The following MYO1B variants were observed in gnomAD, a reference collection of about 807,000 sequenced individuals.
The protein encoded by MYO1B is unconventional myosin-Ib.
A neutral mutation model predicts 159.7 loss-of-function variants in MYO1B; 72 were observed. The observed-to-expected ratio is 0.45, with a 90% CI of 0.37 to 0.55. The LOEUF (loss-of-function observed/expected upper bound fraction) is 0.55, where lower values mean the gene tolerates loss of function less well. MYO1B is among the 20% of genes least tolerant of loss of function. The pLI, the probability that MYO1B is intolerant of heterozygous loss-of-function variation, is 0.00. For missense variants in MYO1B, 1,062 were observed against 1,364.8 expected (o/e 0.78, Z 3.50); for synonymous variants, 468 against 473.8 (o/e 0.99, Z 0.16).
intron 1 of MYO1B, among the ~76,000 whole-genome samples, chr2:191,266,803 G>T (rs574924090): frequency 7.1e-6 from 1 of 141,110 alleles, no homozygotes; most frequent in African/African-American, 3.2e-5. Context: ...AACCTTCCAT[G>T]TTGTTATAGC....
chr2:191,259,114 C>T (rs532760765), intron 1 of MYO1B, among the ~76,000 whole-genome samples: 3 of 152,338 alleles, frequency 2.0e-5, no homozygotes, highest in African/African-American at 7.2e-5. Context: ...GCATGGTGAA[C>T]TTTTCTGACT....
chr2:191,409,045 T>C lies in MYO1B; in HGVS notation c.2633T>C (p.Val878Ala). The part of the protein sequence containing the change: ...KIYEFTLQRI[V>A]QKYFLEMKNK... ...GTATTTTCTGTCAACCCAACACAGGTGCAAAAATACTTCTTGGAAATGAAA... is the reference window on the plus strand; with the variant it reads ...GTATTTTCTGTCAACCCAACACAGGCGCAAAAATACTTCTTGGAAATGAAA... The change falls in exon 26 of 31, where the codon GTG (valine) becomes GCG (alanine). Residue 878 changes from valine (V) to alanine (A), a missense_variant and splice_region_variant. By Grantham distance (64) the Val-to-Ala change is moderately conservative. Coordinates refer to ENST00000392318, the MANE Select transcript of MYO1B (RefSeq NM_001130158.3). 6.2e-7 allele frequency: 1 copy of C among 1,609,480 alleles called. No homozygotes were observed. Among genetic ancestry groups the C allele is most frequent in the Non-Finnish European group, 8.5e-7 (1 of 1,178,856 alleles).
intron 3 of MYO1B, among the ~76,000 whole-genome samples, chr2:191,319,403 C>T (rs986704700): frequency 1.3e-5 from 2 of 152,114 alleles, no homozygotes; most frequent in Non-Finnish European, 2.9e-5. Flanking sequence ...CAGTCTCTGA[C>T]GGGGCTTCTC....
chr2:191,371,458 T>C (rs1486676939), intron 13 of MYO1B, among the ~76,000 whole-genome samples: 1 of 152,202 alleles, frequency 6.6e-6, no homozygotes, highest in Non-Finnish European at 1.5e-5. Context: ...GGTGTGTGTA[T>C]GGTCTGATTT....
chr2:191,258,028 A>C (rs1293728639), intron 1 of MYO1B, among the ~76,000 whole-genome samples: 5 of 152,224 alleles, frequency 3.3e-5, no homozygotes, highest in Non-Finnish European at 5.9e-5. Context: ...AAAAGAAGAC[A>C]TCATAGGAAT....
At chr2:191,401,504 G>A (rs532707240) in intron 23 of MYO1B, 2 of 152,262 alleles carry the variant, frequency 1.3e-5, no homozygotes, top group Admixed American at 6.5e-5. Context: ...ATAGTCGTGG[G>A]CTCTGTGAAC....
intron 12 of MYO1B, 40 bp downstream of exon 12, chr2:191,369,668 G>C (rs755013606): frequency 1.4e-6 from 2 of 1,425,888 alleles, no homozygotes; most frequent in South Asian, 2.3e-5. Flanking sequence ...GTAATAAATG[G>C]TATTCACAGT....
At chr2:191,369,106 T>C (rs1694197344) in intron 11 of MYO1B, among the ~76,000 whole-genome samples, 1 of 152,356 alleles carries the variant, frequency 6.6e-6, no homozygotes, top group Non-Finnish European at 1.5e-5. Context: ...ATAGTTATCA[T>C]ATTAAGTAGA....
intron 3 of MYO1B, among the ~76,000 whole-genome samples, chr2:191,303,042 T>A (rs1198128192): frequency 6.6e-6 from 1 of 152,216 alleles, no homozygotes; most frequent in Non-Finnish European, 1.5e-5. Flanking sequence ...ACCATTTTAC[T>A]CCATTCAAGG....
intron 7 of MYO1B, among the ~76,000 whole-genome samples, chr2:191,358,185 TAC>T (rs1693424388): frequency 6.6e-6 from 1 of 152,200 alleles, no homozygotes; most frequent in Non-Finnish European, 1.5e-5. Context: ...CTCTATTGCT[TAC>T]CAAGACTGGG....
intron 3 of MYO1B, among the ~76,000 whole-genome samples, chr2:191,325,304 C>G (rs1690981054): frequency 6.6e-6 from 1 of 152,008 alleles, no homozygotes; most frequent in African/African-American, 2.4e-5. Context: ...AGGAGAATTT[C>G]CTGGTGTTAT....
In MYO1B at chr2:191,408,117, A is replaced by G. The variant is rs1287602082; in HGVS notation, c.2559A>G (p.Val853=). The change falls in exon 25 of 31, where the codon GTA becomes GTG. Residue 853 remains valine (V), a splice_region_variant and synonymous_variant. Coordinates refer to ENST00000392318, the MANE Select transcript of MYO1B (RefSeq NM_001130158.3). ...VIWAYWLGLK[V]RREYRKFFRA... ...TAACCTACATCTTCTTTTTAAAGGTACGTAGAGAATACAGGAAATTCTTCA... is the reference window on the plus strand; with the variant it reads ...TAACCTACATCTTCTTTTTAAAGGTGCGTAGAGAATACAGGAAATTCTTCA... 1 of 1,609,132 alleles carries G rather than the reference A, an allele frequency of 6.2e-7. No homozygotes were observed. The highest frequency in any genetic ancestry group is 8.5e-7 in the Non-Finnish European group (1 of 1,175,660).
At chr2:191,270,324 T>C (rs1406673593) in intron 1 of MYO1B, among the ~76,000 whole-genome samples, 1 of 152,194 alleles carries the variant, frequency 6.6e-6, no homozygotes, top group African/African-American at 2.4e-5. Context: ...ATCTATATTT[T>C]CTAGTTTTTT....
chr2:191,415,327 A>G (rs1247522268), intron 29 of MYO1B, among the ~76,000 whole-genome samples: 1 of 152,228 alleles, frequency 6.6e-6, no homozygotes, highest in Non-Finnish European at 1.5e-5. Flanking sequence ...AATATTGATC[A>G]TATGTAGGGA....
chr2:191,392,210 C>A lies in MYO1B; in HGVS notation c.2076+9C>A, dbSNP rs749313407. 7.6e-6 allele frequency: 12 copies of A among 1,583,296 alleles called. No individual in the cohort carries two copies. The South Asian group carries it at 1.4e-4, about 18-fold the overall frequency. On this transcript the variant is annotated intron_variant, in intron 19 of 30. Transcript: ENST00000392318. The stretch of plus-strand genomic sequence containing the variant: ...TCCGAAACCCAAGAACAGTATGTAA[C>A]GAAAACCTTTACACTCTGAACTTAA...
chr2:191,259,477 C>T (rs1686666065), intron 1 of MYO1B, among the ~76,000 whole-genome samples: 2 of 152,260 alleles, frequency 1.3e-5, no homozygotes, highest in Admixed American at 1.3e-4. Context: ...CATACATTTT[C>T]TATATTGCTA....
chr2:191,397,128 CTTTTTTTTTTTTTTTTT>C lies in MYO1B; in HGVS notation c.2295+644_2295+660del, dbSNP rs796198342. ...TTAAAAAAGCAAAAGAAGATGATTT[CTTTTTTTTTTTTTTTTT>C]TTTTTTTTTTTTGTAGGTGGGATGT... On this transcript the variant is annotated intron_variant, in intron 21 of 30. Transcript: ENST00000392318. 1.9e-4 allele frequency among the ~76,000 whole-genome samples: 6 copies of C among 32,254 alleles called. 1 individual carries two copies. Among genetic ancestry groups the C allele is most frequent in the African/African-American group, 2.7e-4 (4 of 15,050 alleles). 21.2% of individuals were successfully genotyped at this position (32,254 alleles called of 152,430 possible). A position where few individuals can be genotyped will look rare whatever the true frequency, so the allele number is the denominator to read the frequency against.
intron 24 of MYO1B, among the ~76,000 whole-genome samples, chr2:191,403,805 G>A (rs1251429377): frequency 6.6e-6 from 1 of 152,054 alleles, no homozygotes; most frequent in Non-Finnish European, 1.5e-5. Context: ...CTCCAAACAA[G>A]CTCTATAACC....
At chr2:191,400,618 G>A (rs550336107) in intron 22 of MYO1B, 131 bp from the exon 23 acceptor site, 7 of 1,312,002 alleles carry the variant, frequency 5.3e-6, no homozygotes, top group East Asian at 2.4e-5. Flanking sequence ...TTGTTGTGGG[G>A]TGGTGGCACA....
Sources: allele counts gnomAD v4.1 joint callset (sites outside exome capture counted in the v4.1 genomes callset), GRCh38; gene constraint gnomAD v4.1.1; transcripts MANE v1.5; gene names NCBI Gene and HGNC (gene_info 2026-07-23, HGNC 2026-07-21).